The following KHDRBS3 variants were observed in gnomAD, a reference collection of about 807,000 sequenced individuals.
The protein encoded by KHDRBS3 is KH RNA binding domain containing, signal transduction associated 3, also known as KH domain-containing, RNA-binding, signal transduction-associated protein 3.
KHDRBS3 carries 23 observed loss-of-function variants against 45.6 expected under a neutral mutation model. That is an observed-to-expected ratio of 0.50 (90% CI 0.36 to 0.72). The LOEUF is 0.72. Ranked by LOEUF, KHDRBS3 falls within the 30% of genes least tolerant of loss-of-function variation. The pLI, the probability that KHDRBS3 is intolerant of heterozygous loss-of-function variation, is 0.00. For synonymous variants in KHDRBS3, 162 were observed against 156.5 expected (o/e 1.04, Z -0.26); for missense variants, 352 against 424.8 (o/e 0.83, Z 1.51).
rs771573389 is a variant in KHDRBS3, at chr8:135,572,848, G to C, written c.612-9030G>C. Among the ~76,000 whole-genome samples the C allele has an allele frequency of 7.2e-5, 11 of 152,286 alleles. 1 individual carries two copies. Among genetic ancestry groups the C allele is most frequent in the Admixed American group, 3.9e-4 (6 of 15,294 alleles). On this transcript the variant is annotated intron_variant, in intron 5 of 8. Coordinates refer to ENST00000355849, the MANE Select transcript of KHDRBS3 (RefSeq NM_006558.3). ...AGAGACTATAACTGTAGGCTGTTTCGCCTTTTCCTTTTGTCAGCCTTCTCA... is the reference window on the plus strand; with the variant it reads ...AGAGACTATAACTGTAGGCTGTTTCCCCTTTTCCTTTTGTCAGCCTTCTCA...
At chr8:135,606,050 A>G (rs1829448149) in intron 6 of KHDRBS3, among the ~76,000 whole-genome samples, 1 of 152,070 alleles carries the variant, frequency 6.6e-6, no homozygotes, top group African/African-American at 2.4e-5. Flanking sequence ...GTGCATTGCT[A>G]TTGAAGTCTC....
At chr8:135,617,230 CTTTTATTTTATTTTA>C (rs201401672) in intron 7 of KHDRBS3, among the ~76,000 whole-genome samples, 16,493 of 132,570 alleles carry the variant, frequency 0.12, 1,444 homozygotes, top group East Asian at 0.35. Flanking sequence ...TTTTTAGCTA[CTTTTATTTTATTTTA>C]TTTTATTTTA....
intron 7 of KHDRBS3, among the ~76,000 whole-genome samples, chr8:135,610,859 G>T (rs1563804822): frequency 1.3e-5 from 2 of 151,766 alleles, no homozygotes; most frequent in Non-Finnish European, 2.9e-5. Context: ...GGGAGAGAGG[G>T]GCCAGGAGGA....
chr8:135,517,729 T>TG (rs761720819), intron 1 of KHDRBS3, among the ~76,000 whole-genome samples: 166 of 152,312 alleles, frequency 1.1e-3, no homozygotes, highest in African/African-American at 3.8e-3. Context: ...ACTCCCGCGA[T>TG]GGGGCTCAGG....
At chr8:135,459,207 C>G (rs945376983) in intron 1 of KHDRBS3, among the ~76,000 whole-genome samples, 1 of 152,130 alleles carries the variant, frequency 6.6e-6, no homozygotes, top group African/African-American at 2.4e-5. Context: ...AAACAGTGAC[C>G]TCCAGTTTTT....
chr8:135,497,765 G>A (rs1354772018), intron 1 of KHDRBS3, among the ~76,000 whole-genome samples: 1 of 152,114 alleles, frequency 6.6e-6, no homozygotes, highest in African/African-American at 2.4e-5. Context: ...ACCATGGTAT[G>A]TAAATAATAT....
intron 1 of KHDRBS3, among the ~76,000 whole-genome samples, chr8:135,518,046 T>G (rs79541815): frequency 0.021 from 3,220 of 152,342 alleles, 118 homozygotes; most frequent in African/African-American, 0.074. Context: ...CTATATGATT[T>G]TCTTACGACA....
chr8:135,483,958 G>T (rs1235018917), intron 1 of KHDRBS3, among the ~76,000 whole-genome samples: 3 of 152,150 alleles, frequency 2.0e-5, no homozygotes, highest in Non-Finnish European at 4.4e-5. Flanking sequence ...GGATAGCATG[G>T]TGATGAAGAT....
intron 6 of KHDRBS3, among the ~76,000 whole-genome samples, chr8:135,606,522 T>C (rs1407549602): frequency 1.3e-5 from 2 of 152,152 alleles, no homozygotes; most frequent in Non-Finnish European, 2.9e-5. Flanking sequence ...ACTCCAGCCT[T>C]ATTCTGCCCC....
Position 135,483,909 on chromosome 8 carries a change from T to C in KHDRBS3, c.88+25955T>C, listed in dbSNP as rs61145289. ...AATGAAGAATTCCCATTGGTTTTGA[T>C]GTAAGATGACTTTGAATGTTCACTA... On this transcript the variant is annotated intron_variant, in intron 1 of 8. Transcript: ENST00000355849. 6.8e-3 allele frequency among the ~76,000 whole-genome samples: 1,031 copies of C among 152,280 alleles called. 7 individuals carry two copies. The highest frequency in any genetic ancestry group is 0.024 in the African/African-American group (990 of 41,554).
chr8:135,587,058 A>C (rs1051778960), intron 6 of KHDRBS3, among the ~76,000 whole-genome samples: 12 of 152,186 alleles, frequency 7.9e-5, no homozygotes, highest in Non-Finnish European at 1.5e-4. Context: ...TTAAATACTT[A>C]TATTATGCCC....
intron 5 of KHDRBS3, among the ~76,000 whole-genome samples, chr8:135,578,335 C>T (rs1828043518): frequency 6.6e-6 from 1 of 151,498 alleles, no homozygotes; most frequent in Non-Finnish European, 1.5e-5. Context: ...TTCTTCTGTG[C>T]TTTCTTCTCT....
chr8:135,458,903 C>T, intron 1 of KHDRBS3: 1 of 456,288 alleles, frequency 2.2e-6, no homozygotes, highest in Non-Finnish European at 4.4e-6. Context: ...CATCTGCTGG[C>T]ATGCACGGTA....
At chr8:135,639,206 T>C (rs1284344278) in intron 7 of KHDRBS3, among the ~76,000 whole-genome samples, 1 of 152,142 alleles carries the variant, frequency 6.6e-6, no homozygotes, top group Non-Finnish European at 1.5e-5. Flanking sequence ...TGGTGGTGAT[T>C]GCGATGAAGT....
intron 1 of KHDRBS3, among the ~76,000 whole-genome samples, chr8:135,508,968 T>A (rs1393855146): frequency 6.6e-6 from 1 of 152,116 alleles, no homozygotes; most frequent in Non-Finnish European, 1.5e-5. Context: ...TAAAAATGAG[T>A]CATTAGAAGA....
chr8:135,542,353 C>T (rs1177794043), intron 2 of KHDRBS3: 5 of 290,802 alleles, frequency 1.7e-5, no homozygotes, highest in Middle Eastern at 1.1e-3. Flanking sequence ...TGATATTTAA[C>T]GTGTGCTGAA....
intron 2 of KHDRBS3, among the ~76,000 whole-genome samples, chr8:135,528,128 AC>A (rs1825285592): frequency 6.6e-6 from 1 of 152,190 alleles, no homozygotes; most frequent in African/African-American, 2.4e-5. Flanking sequence ...CTGTGTACAT[AC>A]TATCTGCAGT....
chr8:135,600,754 TG>T (rs544761936), intron 6 of KHDRBS3, among the ~76,000 whole-genome samples: 3 of 152,330 alleles, frequency 2.0e-5, no homozygotes, highest in African/African-American at 7.2e-5. Flanking sequence ...GGCCTGGTCT[TG>T]GCCCTGCACA....
intron 7 of KHDRBS3, among the ~76,000 whole-genome samples, chr8:135,630,211 T>A (rs1452807173): frequency 6.6e-6 from 1 of 152,210 alleles, no homozygotes; most frequent in Non-Finnish European, 1.5e-5. Flanking sequence ...CCCTTGGGTC[T>A]GGAATTCCTG....
Sources: gnomAD v4.1 joint callset for allele counts (sites outside exome capture counted in the v4.1 genomes callset) on GRCh38, gnomAD v4.1.1 for gene constraint, MANE v1.5 for transcripts, NCBI Gene and HGNC (gene_info 2026-07-23, HGNC 2026-07-21) for gene names.